The following AGBL4 variants were observed in gnomAD, a reference collection of about 807,000 sequenced individuals.
The protein encoded by AGBL4 is cytosolic carboxypeptidase 6.
A neutral mutation model predicts 66.4 loss-of-function variants in AGBL4; 58 were observed. The observed-to-expected ratio is 0.87, with a 90% CI of 0.71 to 1.09. The LOEUF (loss-of-function observed/expected upper bound fraction) is 1.09. AGBL4 is among the 50% of genes least tolerant of loss of function. The pLI is 0.00. For synonymous variants in AGBL4, 234 were observed against 222.9 expected (o/e 1.05, Z -0.44); for missense variants, 579 against 631.0 (o/e 0.92, Z 0.88).
intron 6 of AGBL4, among the ~76,000 whole-genome samples, chr1:48,840,650 A>G (rs928966153): frequency 1.3e-5 from 2 of 152,254 alleles, no homozygotes; most frequent in Non-Finnish European, 2.9e-5. Context: ...AAGGATGCAG[A>G]GTAACCAGAA....
Position 48,606,648 on chromosome 1 carries a change from T to C in AGBL4, c.952-15663A>G, listed in dbSNP as rs369098909. ...AAGGGATTCCAGATCTGACACTCCATAGTCTGTGAGGCTCCCAGCAAGAAG... is the reference window on the plus strand; with the variant it reads ...AAGGGATTCCAGATCTGACACTCCACAGTCTGTGAGGCTCCCAGCAAGAAG... On this transcript the variant is annotated intron_variant, in intron 9 of 13. Coordinates refer to ENST00000371839, the MANE Select transcript of AGBL4 (RefSeq NM_032785.4). Among the ~76,000 whole-genome samples the C allele has an allele frequency of 1.2e-3, 180 of 152,290 alleles. 1 individual carries two copies. In the South Asian group the frequency reaches 0.022, roughly 18 times the overall value.
Position 48,535,225 on chromosome 1 carries a change from G to A in AGBL4, c.1365-309C>T, listed in dbSNP as rs140496797. On this transcript the variant is annotated intron_variant, in intron 12 of 13. Coordinates refer to ENST00000371839, the MANE Select transcript of AGBL4 (RefSeq NM_032785.4). ...AGCCATCAACCAAAGATGGGGACAC[G>A]AGAGAGCAAGGAGCCACTGGAAGGC... Among the ~76,000 whole-genome samples, 38 of 152,200 alleles carry A rather than the reference G, an allele frequency of 2.5e-4. 1 individual carries two copies. Among genetic ancestry groups the A allele is most frequent in the Admixed American group, 3.9e-4 (6 of 15,284 alleles).
chr1:49,494,478 T>C (rs1178267946), intron 3 of AGBL4, among the ~76,000 whole-genome samples: 1 of 151,820 alleles, frequency 6.6e-6, no homozygotes, highest in Non-Finnish European at 1.5e-5. Context: ...CCTATGTCCA[T>C]GTGTTCTCAT....
At chr1:49,117,619 G>A (rs1569648663) in intron 4 of AGBL4, among the ~76,000 whole-genome samples, 2 of 152,274 alleles carry the variant, frequency 1.3e-5, no homozygotes, top group East Asian at 3.9e-4. Context: ...TTTGGTTACT[G>A]TAGCCTTGTA....
At chr1:49,859,766 A>C (rs1434986178) in intron 1 of AGBL4, among the ~76,000 whole-genome samples, 6 of 152,116 alleles carry the variant, frequency 3.9e-5, no homozygotes, top group African/African-American at 1.2e-4. Context: ...TAAACGTGCA[A>C]TAAACAAAGA....
At chr1:48,980,194 C>T (rs1453660653) in intron 5 of AGBL4, among the ~76,000 whole-genome samples, 1 of 152,074 alleles carries the variant, frequency 6.6e-6, no homozygotes, top group Non-Finnish European at 1.5e-5. Flanking sequence ...TGAGACATTG[C>T]TTTTTTGCTT....
intron 9 of AGBL4, among the ~76,000 whole-genome samples, chr1:48,592,914 G>A (rs1242199846): frequency 6.6e-6 from 1 of 152,128 alleles, no homozygotes; most frequent in Non-Finnish European, 1.5e-5. Context: ...GGGCGTACAA[G>A]TGTAATTTTG....
chr1:49,974,014 A>G (rs1658359754), intron 1 of AGBL4, among the ~76,000 whole-genome samples: 1 of 152,070 alleles, frequency 6.6e-6, no homozygotes, highest in Admixed American at 6.6e-5. Flanking sequence ...TGGCAGCAAA[A>G]TGTTTTAACT....
intron 3 of AGBL4, among the ~76,000 whole-genome samples, chr1:49,543,244 T>C (rs1652205407): frequency 6.6e-6 from 1 of 152,124 alleles, no homozygotes. Context: ...ACCATCTCCC[T>C]TGTCATACTT....
At chr1:48,789,075 T>C (rs962504738) in intron 6 of AGBL4, among the ~76,000 whole-genome samples, 1 of 152,148 alleles carries the variant, frequency 6.6e-6, no homozygotes. Context: ...ATTTTATAGA[T>C]GTAGCAACTG....
At chr1:48,645,371 A>G (rs1316817937) in intron 8 of AGBL4, among the ~76,000 whole-genome samples, 1 of 152,166 alleles carries the variant, frequency 6.6e-6, no homozygotes, top group African/African-American at 2.4e-5. Context: ...TGCTTCAAGA[A>G]GGAGAGTGAT....
chr1:49,636,875 T>C (rs1645683254), intron 3 of AGBL4, among the ~76,000 whole-genome samples: 1 of 152,182 alleles, frequency 6.6e-6, no homozygotes, highest in South Asian at 2.1e-4. Flanking sequence ...TGAAAAATAT[T>C]GATCCTGGGT....
At chr1:49,201,350 T>A (rs559345701) in intron 4 of AGBL4, among the ~76,000 whole-genome samples, 16 of 152,292 alleles carry the variant, frequency 1.1e-4, no homozygotes, top group African/African-American at 3.6e-4. Context: ...TAGTCTAATT[T>A]AAAAATAAGG....
intron 6 of AGBL4, among the ~76,000 whole-genome samples, chr1:48,724,369 T>G (rs1480005701): frequency 6.6e-6 from 1 of 152,202 alleles, no homozygotes; most frequent in African/African-American, 2.4e-5. Flanking sequence ...TCTAGCTCAC[T>G]TTACCCCTGT....
rs557411095 is a variant in AGBL4, at chr1:49,040,635, G to A, written c.594+4949C>T. 5.9e-5 allele frequency among the ~76,000 whole-genome samples: 9 copies of A among 152,164 alleles called. No homozygotes were observed. The East Asian group carries it at 1.7e-3, about 29-fold the overall frequency. ...TATTCAGTACTAAAAATGAACTACT[G>A]ATACATGCTATAATATTTTTGAGGT... is the stretch of plus-strand genomic sequence containing the variant. On this transcript the variant is annotated intron_variant, in intron 5 of 13. Transcript: ENST00000371839.
At chr1:48,586,266 GA>G (rs1212144915) in intron 11 of AGBL4, 3 of 152,130 alleles carry the variant, frequency 2.0e-5, no homozygotes, top group Admixed American at 2.0e-4. Flanking sequence ...ATTTTATGAA[GA>G]AACTAAGAGG....
At chr1:49,341,598 G>T (rs985376570) in intron 3 of AGBL4, among the ~76,000 whole-genome samples, 3 of 152,176 alleles carry the variant, frequency 2.0e-5, no homozygotes, top group African/African-American at 7.2e-5. Context: ...TGGCACTATA[G>T]GATGTTAACG....
intron 3 of AGBL4, among the ~76,000 whole-genome samples, chr1:49,410,757 C>T (rs1267665884): frequency 2.0e-5 from 3 of 152,136 alleles, no homozygotes; most frequent in Admixed American, 2.0e-4. Context: ...GCAAATTTGA[C>T]AAAGTCATCT....
chr1:48,928,824 T>A (rs1213078709), intron 5 of AGBL4, among the ~76,000 whole-genome samples: 3 of 152,214 alleles, frequency 2.0e-5, no homozygotes, highest in Non-Finnish European at 4.4e-5. Context: ...AATGAAATAA[T>A]GTTGTCTGGT....
Sources: gnomAD v4.1 joint callset for allele counts (sites outside exome capture counted in the v4.1 genomes callset) on GRCh38, gnomAD v4.1.1 for gene constraint, MANE v1.5 for transcripts, NCBI Gene and HGNC (gene_info 2026-07-23, HGNC 2026-07-21) for gene names.